The following NAE1 variants were observed in gnomAD, a reference collection of about 807,000 sequenced individuals.
The protein encoded by NAE1 is NEDD8 activating enzyme E1 subunit 1, also known as NEDD8-activating enzyme E1 regulatory subunit.
Under a neutral mutation model 88.0 loss-of-function variants are expected in NAE1, and 59 were observed. The ratio of observed to expected loss-of-function variants is 0.67; its 90% CI spans 0.54 to 0.83. The LOEUF is 0.83. Ranked by LOEUF, NAE1 falls within the 40% of genes least tolerant of loss-of-function variation. The probability of loss-of-function intolerance (pLI) is 0.00; values close to 1 mark genes in which losing one functional copy is unlikely to be tolerated. For synonymous variants in NAE1, 186 were observed against 208.9 expected (o/e 0.89, Z 0.95); for missense variants, 554 against 632.8 (o/e 0.88, Z 1.34).
At chr16:66,829,415 G>A (rs8061114) in intron 1 of NAE1, among the ~76,000 whole-genome samples, 3 of 152,226 alleles carry the variant, frequency 2.0e-5, no homozygotes, top group Non-Finnish European at 4.4e-5. Context: ...AGCCAGAAGA[G>A]CCTTAGTTTA....
At chr16:66,828,096 C>T (rs773157785) in intron 1 of NAE1, 15 of 1,575,360 alleles carry the variant, frequency 9.5e-6, no homozygotes, top group Non-Finnish European at 1.2e-5. Context: ...ACCAGATGGA[C>T]CGTAAACGCC....
chr16:66,813,649 T>C lies in NAE1; in HGVS notation c.949A>G (p.Lys317Glu). The change falls in exon 13 of 20, where the codon AAA becomes GAA. Residue 317 changes from lysine (K) to glutamate (E), a missense_variant. Lys to Glu is a moderately conservative substitution (Grantham distance 56, BLOSUM62 1). Coordinates refer to ENST00000290810, the MANE Select transcript of NAE1 (RefSeq NM_003905.4). The stretch of plus-strand genomic sequence containing the variant: ...ACAGGTAAATTTCCTTGACCCTCTT[T>C]GGCCACAAATTCCTTTAAGGCACGA... ...LARALKEFVA[K>E]EGQGNLPVRG... is the part of the protein sequence containing the mutation. The C allele has an allele frequency of 6.2e-7, 1 of 1,614,088 alleles. No homozygotes were observed. Among genetic ancestry groups the C allele is most frequent in the Admixed American group, 1.7e-5 (1 of 60,022 alleles).
chr16:66,810,639 T>C (rs1225903072), intron 14 of NAE1, 58 bp downstream of exon 14: 3 of 1,497,790 alleles, frequency 2.0e-6, no homozygotes, highest in Non-Finnish European at 2.8e-6. Context: ...CTCTAAACCC[T>C]TTCTGGCTGG....
At chr16:66,826,849 T>C in intron 1 of NAE1, 69 bp from the exon 2 acceptor site, 1 of 1,448,290 alleles carries the variant, frequency 6.9e-7, no homozygotes, top group Non-Finnish European at 9.4e-7. Context: ...ATTTGAATGG[T>C]GATCTTTAAA....
Position 66,813,772 on chromosome 16 carries a change from T to C in NAE1, c.900+15A>G. On this transcript the variant is annotated intron_variant, in intron 12 of 19. Transcript: ENST00000290810. ...AAAGTTTTAGCAGCAATGTTTTTAC[T>C]TTTGTTGTTGTTACCTGTTTGGTGA... The C allele has an allele frequency of 6.2e-7, 1 of 1,613,432 alleles. No individual in the cohort carries two copies. The highest frequency in any genetic ancestry group is 1.7e-5 in the Admixed American group (1 of 59,964).
chr16:66,826,136 G>A (rs1286397127), intron 3 of NAE1: 1 of 176,374 alleles, frequency 5.7e-6, no homozygotes. Flanking sequence ...CTTTAAAACA[G>A]CATTTTTGTT....
chr16:66,812,070 T>C (rs940520088), intron 13 of NAE1, among the ~76,000 whole-genome samples: 4 of 152,200 alleles, frequency 2.6e-5, no homozygotes, highest in Non-Finnish European at 5.9e-5. Context: ...TAGCAAGATG[T>C]CTAGCTATAG....
At chr16:66,820,475 G>A (rs1366191305) in intron 7 of NAE1, among the ~76,000 whole-genome samples, 5 of 152,166 alleles carry the variant, frequency 3.3e-5, no homozygotes, top group Non-Finnish European at 5.9e-5. Context: ...AAGATTGGAC[G>A]GACCTGGTGC....
rs1186757859 is a variant in NAE1 at position 66,823,528 on chromosome 16, C to A, written c.321+1G>T. ...ACATAATAATGTGTGTACATATATA[C>A]CTCTTCCACAAAACTTCCAGAGACA... On this transcript the variant is annotated splice_donor_variant, in intron 5 of 19. Transcript: ENST00000290810. LOFTEE classifies it high-confidence loss of function. 3 of 1,609,312 alleles carry A rather than the reference C, an allele frequency of 1.9e-6. No homozygotes were observed. Among genetic ancestry groups the A allele is most frequent in the African/African-American group, 2.7e-5 (2 of 74,776 alleles).
chr16:66,824,275 A>G (rs1474126132), intron 4 of NAE1, among the ~76,000 whole-genome samples: 1 of 152,192 alleles, frequency 6.6e-6, no homozygotes, highest in Non-Finnish European at 1.5e-5. Context: ...AAGTCATTTC[A>G]CTAAGTTGAC....
rs999243166 is a variant in NAE1, at chr16:66,830,945, C to T, written c.-46G>A. ...AAACAGCCGAGCCCCTGCGGAGCGC[C>T]GCCACCAGCTCCACAAGCGCGCAGG... On this transcript the variant is annotated 5_prime_UTR_variant, in exon 1 of 20. Transcript: ENST00000290810. The T allele has an allele frequency of 1.3e-6, 2 of 1,482,880 alleles. No homozygotes were observed. The highest frequency in any genetic ancestry group is 1.3e-5 in the South Asian group (1 of 78,594). The allele number at this position is 1,482,880 out of a possible 1,614,324, so 91.9% of individuals were successfully genotyped here.
In NAE1 at chr16:66,808,621, G is replaced by A. The variant is rs1567487913; in HGVS notation, c.1238-8C>T. 1.3e-6 allele frequency: 2 copies of A among 1,573,880 alleles called. No individual in the cohort carries two copies. The highest frequency in any genetic ancestry group is 1.8e-5 in the Admixed American group (1 of 56,036). On this transcript the variant is annotated splice_region_variant and splice_polypyrimidine_tract_variant and intron_variant, in intron 16 of 19. Transcript: ENST00000290810. ...GATTGTCCATGCTAGAAACTGAAAG[G>A]AAAAAAAATTTCAGTTTAATTTGGT...
At chr16:66,811,429 A>G (rs1349230047) in intron 13 of NAE1, among the ~76,000 whole-genome samples, 1 of 152,094 alleles carries the variant, frequency 6.6e-6, no homozygotes, top group Admixed American at 6.5e-5. Context: ...ATTAATGACA[A>G]TTTTCAATTA....
At chr16:66,809,635 A>C (rs1490974061) in intron 15 of NAE1, among the ~76,000 whole-genome samples, 1 of 152,196 alleles carries the variant, frequency 6.6e-6, no homozygotes, top group Non-Finnish European at 1.5e-5. Context: ...AACAAACGCT[A>C]ATTCAAGATT....
chr16:66,807,840 A>T (rs1313687555), intron 17 of NAE1, among the ~76,000 whole-genome samples: 1 of 152,210 alleles, frequency 6.6e-6, no homozygotes, highest in Non-Finnish European at 1.5e-5. Context: ...CTGAAGATAA[A>T]AAGTAGATAA....
At position 66,823,555 on chromosome 16, in the gene NAE1, C is replaced by A; in HGVS notation, c.295G>T (p.Asp99Tyr). The stretch of plus-strand genomic sequence containing the variant: ...TCTTCCACAAAACTTCCAGAGACAT[C>A]GCTATTTAATTCTTGTAAGAATTCC... ...AMEFLQELNSDVSGSFVEESP... is the reference protein window; with the variant it reads ...AMEFLQELNSYVSGSFVEESP... The change falls in exon 5 of 20, where the codon GAT becomes TAT. Residue 99 changes from aspartate to tyrosine, a missense_variant. Physicochemically the swap from Asp to Tyr is radical, Grantham distance 160. Transcript: ENST00000290810. 6.2e-7 allele frequency: 1 copy of A among 1,611,606 alleles called. No homozygotes were observed. Among genetic ancestry groups the A allele is most frequent in the African/African-American group, 1.3e-5 (1 of 74,930 alleles).
chr16:66,804,152 G>A (rs1567485184), intron 19 of NAE1, among the ~76,000 whole-genome samples: 1 of 151,256 alleles, frequency 6.6e-6, no homozygotes, highest in Non-Finnish European at 1.5e-5. Flanking sequence ...TGGCATCGCA[G>A]AGAAGACAGC....
Position 66,818,490 on chromosome 16 carries a change from A to C in NAE1, c.621+38T>G. ...AACCTTAGGTTAAAAAAATGTTTTA[A>C]GTCTATCTGTAAATGTAAGGTCACA... On this transcript the variant is annotated intron_variant, in intron 8 of 19. Transcript: ENST00000290810. 2.0e-6 allele frequency: 3 copies of C among 1,513,514 alleles called. No homozygotes were observed. In the South Asian group the frequency reaches 3.7e-5, roughly 18 times the overall value. The allele number at this position is 1,513,514 out of a possible 1,614,324, so 93.8% of individuals were successfully genotyped here.
At chr16:66,828,047 C>A in intron 1 of NAE1, 1 of 1,613,854 alleles carries the variant, frequency 6.2e-7, no homozygotes, top group Non-Finnish European at 8.5e-7. Flanking sequence ...CATAAGGGCC[C>A]AGACAGCTGT....
Sources: gnomAD v4.1 joint callset for allele counts (sites outside exome capture counted in the v4.1 genomes callset) on GRCh38, gnomAD v4.1.1 for gene constraint, MANE v1.5 for transcripts, NCBI Gene and HGNC (gene_info 2026-07-23, HGNC 2026-07-21) for gene names.